The following COL1A2 variants were observed in gnomAD, a reference collection of about 807,000 sequenced individuals.
COL1A2 encodes the protein collagen alpha-2(I) chain.
COL1A2 carries 49 observed loss-of-function variants against 174.3 expected under a neutral mutation model. The ratio of observed to expected loss-of-function variants is 0.28; its 90% CI spans 0.22 to 0.36. The LOEUF is 0.36. COL1A2 is among the 10% of genes least tolerant of loss of function. COL1A2 has a pLI of 1.00. For missense variants in COL1A2, 1,438 were observed against 1,822.7 expected (o/e 0.79, Z 3.84); for synonymous variants, 655 against 606.6 (o/e 1.08, Z -1.17).
intron 32 of COL1A2, among the ~76,000 whole-genome samples, 164 bp from the exon 33 acceptor site, chr7:94,418,335 C>T (rs912763483): frequency 1.3e-5 from 2 of 152,024 alleles, no homozygotes; most frequent in African/African-American, 2.4e-5. Context: ...TTATTTTTCT[C>T]GATTAACATT....
intron 39 of COL1A2, 184 bp downstream of exon 39, chr7:94,422,136 A>G: frequency 3.8e-6 from 2 of 528,888 alleles, no homozygotes; most frequent in South Asian, 6.5e-5. Context: ...TTATAATATC[A>G]GTTTAAGAGG....
At chr7:94,416,197 T>C (rs1486547650) in intron 30 of COL1A2, among the ~76,000 whole-genome samples, 1 of 152,186 alleles carries the variant, frequency 6.6e-6, no homozygotes, top group Non-Finnish European at 1.5e-5. Flanking sequence ...GTCGTAGTCA[T>C]GGAACATTAG....
At chr7:94,407,361 T>TACTACTACTACTACTACTACC (rs1326239188) in intron 12 of COL1A2, among the ~76,000 whole-genome samples, 2 of 151,998 alleles carry the variant, frequency 1.3e-5, no homozygotes, top group African/African-American at 4.8e-5. Context: ...CTACTACTAC[T>TACTACTACTACTACTACTACC]ACCCTGGTTT....
At position 94,420,631 on chromosome 7, in the gene COL1A2, G is replaced by T; in HGVS notation, c.2278G>T (p.Gly760Ter). The T allele has an allele frequency of 6.2e-7, 1 of 1,600,992 alleles. No individual in the cohort carries two copies. Among genetic ancestry groups the T allele is most frequent in the East Asian group, 2.3e-5 (1 of 44,216 alleles). Residue 760 changes from glycine to a stop codon, truncating the protein, a stop_gained, in exon 37 of 52, where the codon GGA (glycine) becomes TGA (stop). Coordinates refer to ENST00000297268, the MANE Select transcript of COL1A2 (RefSeq NM_000089.4). LOFTEE classifies it high-confidence loss of function. ...NGVVGPTGPV[G>*]AAGPAGPNGP... is the part of the protein sequence containing the mutation. ...TGTTGTTGGTCCCACAGGCCCCGTTGGAGCTGCTGGCCCAGCTGTAAGTTG... is the reference window on the plus strand; with the variant it reads ...TGTTGTTGGTCCCACAGGCCCCGTTTGAGCTGCTGGCCCAGCTGTAAGTTG...
Position 94,428,340 on chromosome 7 carries a change from A to C in COL1A2, c.3574A>C (p.Lys1192Gln), listed in dbSNP as rs1477146037. Residue 1192 changes from lysine (K) to glutamine (Q), a missense_variant, in exon 50 of 52, where the codon AAA becomes CAA. By Grantham distance (53) the Lys-to-Gln change is moderately conservative. This residue lies in a region of COL1A2 where 290 missense variants were observed against 298.1 expected (regional missense o/e 0.97). Coordinates refer to ENST00000297268, the MANE Select transcript of COL1A2 (RefSeq NM_000089.4). Reference sequence around the variant, plus strand: ...CCAAGGATGCACTATGGATGCTATCAAAGTATACTGTGATTTCTCTACTGG... The same window carrying C: ...CCAAGGATGCACTATGGATGCTATCCAAGTATACTGTGATTTCTCTACTGG... ...PNQGCTMDAI[K>Q]VYCDFSTGET... 1 of 1,614,188 alleles carries C rather than the reference A, an allele frequency of 6.2e-7. No individual in the cohort carries two copies. Among genetic ancestry groups the C allele is most frequent in the Admixed American group, 1.7e-5 (1 of 60,032 alleles).
intron 40 of COL1A2, 82 bp from the exon 41 acceptor site, chr7:94,424,254 G>T: frequency 8.4e-7 from 1 of 1,196,000 alleles, no homozygotes; most frequent in South Asian, 1.2e-5. Context: ...GCTGAAGACA[G>T]TTTATTCTCA....
chr7:94,398,207 T>C (rs770116742), intron 2 of COL1A2, among the ~76,000 whole-genome samples, 175 bp from the exon 3 acceptor site: 3 of 152,054 alleles, frequency 2.0e-5, no homozygotes, highest in Non-Finnish European at 4.4e-5. Context: ...ATATTTTTAT[T>C]TGACATGTTG....
intron 23 of COL1A2, 42 bp from the exon 24 acceptor site, chr7:94,412,026 A>C: frequency 6.5e-7 from 1 of 1,538,950 alleles, no homozygotes; most frequent in Non-Finnish European, 9.0e-7. Context: ...TGAGTATGTA[A>C]GTTAAAGTGC....
intron 24 of COL1A2, 139 bp from the exon 25 acceptor site, chr7:94,412,445 A>G: frequency 2.8e-6 from 2 of 720,302 alleles, no homozygotes; most frequent in Admixed American, 2.3e-5. Flanking sequence ...AGGAAAATGG[A>G]TTCATAATTT....
In COL1A2 at chr7:94,414,208, C is replaced by G; in HGVS notation, c.1666-14C>G. On this transcript the variant is annotated splice_polypyrimidine_tract_variant and intron_variant, in intron 28 of 51. Coordinates refer to ENST00000297268, the MANE Select transcript of COL1A2 (RefSeq NM_000089.4). ...AGCCATGGGATTGAGATTTGTATTT[C>G]TTTTCATTTTTAGGGTCTGCCTGGC... 1.9e-6 allele frequency: 3 copies of G among 1,613,740 alleles called. No individual in the cohort carries two copies. The highest frequency in any genetic ancestry group is 2.5e-6 in the Non-Finnish European group (3 of 1,179,854).
chr7:94,420,943 G>A, intron 37 of COL1A2, 66 bp from the exon 38 acceptor site: 1 of 1,451,618 alleles, frequency 6.9e-7, no homozygotes, highest in African/African-American at 1.4e-5. Flanking sequence ...TGATCCACTT[G>A]AAGAAAAGAG....
intron 32 of COL1A2, 76 bp downstream of exon 32, chr7:94,417,907 C>T: frequency 1.7e-6 from 2 of 1,205,268 alleles, no homozygotes; most frequent in South Asian, 1.3e-5. Context: ...CAAGTTTTCA[C>T]AATTCTTGGC....
intron 13 of COL1A2, 71 bp downstream of exon 13, chr7:94,407,962 T>A: frequency 7.0e-7 from 1 of 1,426,594 alleles, no homozygotes; most frequent in Non-Finnish European, 9.9e-7. Flanking sequence ...CTTTAATGTT[T>A]TTGCTAATCA....
chr7:94,409,968 T>A, intron 19 of COL1A2, 147 bp downstream of exon 19: 1 of 855,008 alleles, frequency 1.2e-6, no homozygotes, highest in East Asian at 2.6e-5. Context: ...TATATATATG[T>A]ACACTCCCGT....
chr7:94,430,099 T>C (rs186232883), intron 51 of COL1A2, 148 bp from the exon 52 acceptor site: 48 of 795,384 alleles, frequency 6.0e-5, no homozygotes, highest in Non-Finnish European at 8.4e-6. Flanking sequence ...CTTGATACTG[T>C]TATTTCAAGG....
At chr7:94,410,823 CA>C in intron 21 of COL1A2, 65 bp from the exon 22 acceptor site, 1 of 1,557,036 alleles carries the variant, frequency 6.4e-7, no homozygotes, top group African/African-American at 1.4e-5. Context: ...CTATTTTTTA[CA>C]AACTCTACCT....
Position 94,400,236 on chromosome 7 carries a change from C to T in COL1A2, c.173C>T (p.Pro58Leu). ...CCAGGCAGAGATGGTGAAGATGGTC[C>T]CACAGGCCCTCCTGGTCCACCTGGT... The part of the protein sequence containing the change: ...GPPGRDGEDG[P>L]TGPPGPPGPP... The change falls in exon 5 of 52, where the codon CCC becomes CTC. Residue 58 changes from proline to leucine, a missense_variant. Coordinates refer to ENST00000297268, the MANE Select transcript of COL1A2 (RefSeq NM_000089.4). The T allele has an allele frequency of 2.5e-6, 4 of 1,613,212 alleles. No homozygotes were observed. Among genetic ancestry groups the T allele is most frequent in the Non-Finnish European group, 3.4e-6 (4 of 1,179,938 alleles).
intron 1 of COL1A2, 50 bp downstream of exon 1, chr7:94,395,151 G>T (rs772606632): frequency 1.7e-5 from 26 of 1,498,014 alleles, no homozygotes; most frequent in Non-Finnish European, 2.1e-5. Context: ...AGGTTAGATG[G>T]GAGGGCACCC....
At position 94,420,590 on chromosome 7, in the gene COL1A2, C is replaced by T; in HGVS notation, c.2237C>T (p.Pro746Leu). 1.9e-6 allele frequency: 3 copies of T among 1,613,256 alleles called. No homozygotes were observed. Among genetic ancestry groups the T allele is most frequent in the Non-Finnish European group, 2.5e-6 (3 of 1,179,636 alleles). Residue 746 changes from proline (P) to leucine (L), a missense_variant, in exon 37 of 52, where the codon CCT (proline) becomes CTT (leucine). Transcript: ENST00000297268. ...AAAGGAGAAAGAGGAGCCAAAGGGC[C>T]TAAGGGTGAAAACGGTGTTGTTGGT... ...GAKGERGAKG[P>L]KGENGVVGPT... is the part of the protein sequence containing the mutation.
Sources: allele counts gnomAD v4.1 joint callset (sites outside exome capture counted in the v4.1 genomes callset), GRCh38; gene constraint gnomAD v4.1.1; regional missense constraint gnomAD v4.1.1; transcripts MANE v1.5; gene names NCBI Gene and HGNC (gene_info 2026-07-23, HGNC 2026-07-21).